Variants in MYRIP observed in about 807,000 individuals in gnomAD.
The protein encoded by MYRIP is rab effector MyRIP.
Under a neutral mutation model 98.0 loss-of-function variants are expected in MYRIP, and 49 were observed. The ratio of observed to expected loss-of-function variants is 0.50; its 90% CI spans 0.40 to 0.63. The LOEUF (loss-of-function observed/expected upper bound fraction) is 0.63. MYRIP is among the 30% of genes least tolerant of loss of function. The pLI is 0.00. For missense variants in MYRIP, 1,004 were observed against 1,058.2 expected (o/e 0.95, Z 0.71); for synonymous variants, 404 against 409.5 (o/e 0.99, Z 0.16).
At chr3:40,200,621 T>G (rs1295507975) in intron 10 of MYRIP, among the ~76,000 whole-genome samples, 1 of 152,202 alleles carries the variant, frequency 6.6e-6, no homozygotes, top group East Asian at 1.9e-4. Context: ...AACTATGGCT[T>G]TTACTTGTAT....
rs73827164 is a variant in MYRIP at position 40,216,271 on chromosome 3, T to A, written c.1905+6178T>A. ...AAAGGCAGAGTTACTCCAAAAGGTT[T>A]TAAGTAGAAAGGCCTGGCAAGCAAG... On this transcript the variant is annotated intron_variant, in intron 11 of 16. Coordinates refer to ENST00000302541, the MANE Select transcript of MYRIP (RefSeq NM_015460.4). 5.0e-3 allele frequency among the ~76,000 whole-genome samples: 759 copies of A among 152,200 alleles called. 1 individual carries two copies. Among genetic ancestry groups the A allele is most frequent in the African/African-American group, 0.016 (684 of 41,518 alleles).
chr3:39,932,257 G>A (rs908248493), intron 2 of MYRIP, among the ~76,000 whole-genome samples: 9 of 152,170 alleles, frequency 5.9e-5, no homozygotes, highest in African/African-American at 1.7e-4. Context: ...GTATAAGGAG[G>A]CTTGCACTAA....
intron 5 of MYRIP, among the ~76,000 whole-genome samples, chr3:40,165,997 C>T (rs1950492323): frequency 6.6e-6 from 1 of 152,064 alleles, no homozygotes. Context: ...TTCAAATTTA[C>T]CATCTGTAAA....
At chr3:40,042,923 C>T (rs547837777) in intron 2 of MYRIP, among the ~76,000 whole-genome samples, 1 of 152,328 alleles carries the variant, frequency 6.6e-6, no homozygotes, top group Admixed American at 6.5e-5. Context: ...GCAAAGTCAT[C>T]TGACAACATA....
intron 3 of MYRIP, among the ~76,000 whole-genome samples, chr3:40,135,533 C>T (rs539803410): frequency 1.6e-4 from 24 of 152,196 alleles, no homozygotes; most frequent in African/African-American, 4.8e-4. Flanking sequence ...ATACAGAGAA[C>T]GCCATAAAGA....
chr3:40,121,148 C>A (rs1949396178), intron 3 of MYRIP, among the ~76,000 whole-genome samples: 1 of 152,138 alleles, frequency 6.6e-6, no homozygotes, highest in Non-Finnish European at 1.5e-5. Flanking sequence ...CCCACTGAGG[C>A]AGGTCCCGCT....
At chr3:40,084,041 G>T (rs761472365) in intron 3 of MYRIP, among the ~76,000 whole-genome samples, 1 of 147,284 alleles carries the variant, frequency 6.8e-6, no homozygotes, top group Non-Finnish European at 1.5e-5. Flanking sequence ...GGAGGCTGAG[G>T]CAGGAGAATG....
At chr3:39,930,205 C>G (rs1944504221) in intron 2 of MYRIP, among the ~76,000 whole-genome samples, 1 of 152,006 alleles carries the variant, frequency 6.6e-6, no homozygotes, top group Admixed American at 6.6e-5. Flanking sequence ...TTCACATACT[C>G]ATCAATACTC....
chr3:40,154,596 G>A (rs1450052208), intron 4 of MYRIP, among the ~76,000 whole-genome samples: 1 of 152,052 alleles, frequency 6.6e-6, no homozygotes, highest in East Asian at 1.9e-4. Flanking sequence ...GGACGTGCAG[G>A]TTTGTTACAT....
chr3:40,210,195 C>G (rs1951886088), intron 11 of MYRIP, 102 bp downstream of exon 11: 3 of 1,418,580 alleles, frequency 2.1e-6, no homozygotes, highest in Non-Finnish European at 2.8e-6. Flanking sequence ...CCCCAAAGAG[C>G]TCTCTCTAAA....
At chr3:40,066,027 A>G (rs564093045) in intron 3 of MYRIP, among the ~76,000 whole-genome samples, 75 of 152,296 alleles carry the variant, frequency 4.9e-4, no homozygotes, top group African/African-American at 1.7e-3. Context: ...TCTAGGAAAA[A>G]TAGGCCTTGC....
At chr3:39,915,639 T>C (rs1944135163) in intron 2 of MYRIP, among the ~76,000 whole-genome samples, 1 of 151,960 alleles carries the variant, frequency 6.6e-6, no homozygotes, top group Non-Finnish European at 1.5e-5. Flanking sequence ...TAATTCTTAC[T>C]AGTAACCCTT....
At chr3:40,004,067 T>C (rs1443844970) in intron 2 of MYRIP, among the ~76,000 whole-genome samples, 1 of 152,224 alleles carries the variant, frequency 6.6e-6, no homozygotes, top group African/African-American at 2.4e-5. Flanking sequence ...TCTAGGTGTC[T>C]ATGAACATGT....
intron 2 of MYRIP, among the ~76,000 whole-genome samples, chr3:39,940,434 C>T (rs1944757839): frequency 6.6e-6 from 1 of 152,174 alleles, no homozygotes; most frequent in Non-Finnish European, 1.5e-5. Context: ...ATTCAAACCT[C>T]AATTCTTTTT....
chr3:40,001,870 A>T (rs1192129538), intron 2 of MYRIP, among the ~76,000 whole-genome samples: 1 of 152,180 alleles, frequency 6.6e-6, no homozygotes, highest in African/African-American at 2.4e-5. Context: ...ATATTTCAGG[A>T]TAGATTCAAT....
At chr3:40,053,520 G>A (rs901306757) in intron 3 of MYRIP, among the ~76,000 whole-genome samples, 3 of 152,138 alleles carry the variant, frequency 2.0e-5, no homozygotes, top group Non-Finnish European at 2.9e-5. Flanking sequence ...TATGGGTATG[G>A]GATTGAATTT....
intron 2 of MYRIP, among the ~76,000 whole-genome samples, chr3:39,946,558 G>C (rs966855895): frequency 3.9e-5 from 6 of 152,116 alleles, no homozygotes; most frequent in African/African-American, 1.4e-4. Context: ...GTGCTGAGAC[G>C]GAGGAGCCAC....
intron 11 of MYRIP, among the ~76,000 whole-genome samples, chr3:40,212,806 G>A (rs556833470): frequency 9.7e-4 from 148 of 151,936 alleles, no homozygotes; most frequent in Non-Finnish European, 1.6e-3. Context: ...AATGTCTGTG[G>A]TCCCAGTTAC....
At chr3:40,075,064 T>C (rs1367778596) in intron 3 of MYRIP, among the ~76,000 whole-genome samples, 1 of 152,120 alleles carries the variant, frequency 6.6e-6, no homozygotes, top group Non-Finnish European at 1.5e-5. Context: ...ACTGAAGTAA[T>C]ACAACAAAAA....
Sources: gnomAD v4.1 joint callset for allele counts (sites outside exome capture counted in the v4.1 genomes callset) on GRCh38, gnomAD v4.1.1 for gene constraint, MANE v1.5 for transcripts, NCBI Gene and HGNC (gene_info 2026-07-23, HGNC 2026-07-21) for gene names.